The following RNF145 variants were observed in gnomAD, a reference collection of about 807,000 sequenced individuals.
RNF145 encodes the protein ring finger protein 145.
Under a neutral mutation model 57.3 loss-of-function variants are expected in RNF145, and 12 were observed. That is an observed-to-expected ratio of 0.21 (90% CI 0.13 to 0.34). The LOEUF (loss-of-function observed/expected upper bound fraction) is 0.34, where lower values mean the gene tolerates loss of function less well. Ranked by LOEUF, RNF145 falls within the 10% of genes least tolerant of loss-of-function variation. The pLI is 1.00. For missense variants in RNF145, 429 were observed against 799.0 expected (o/e 0.54, Z 5.58); for synonymous variants, 262 against 288.3 (o/e 0.91, Z 0.92).
chr5:159,209,669 C>G (rs1368279728), upstream of RNF145: 1 of 958,416 alleles, frequency 1.0e-6, no homozygotes, highest in Non-Finnish European at 1.4e-6. Flanking sequence ...GTGCTTTCCG[C>G]ACCGCCTCCG....
chr5:159,203,619 T>C lies in RNF145; in HGVS notation c.-2A>G, dbSNP rs1785749395. 6.3e-7 allele frequency: 1 copy of C among 1,598,632 alleles called. No individual in the cohort carries two copies. The highest frequency in any genetic ancestry group is 2.2e-5 in the East Asian group (1 of 44,836). ...CTCCAGTTTCTCCTTTGCAGCCATG[T>C]TGTTTTTTTTTTTCTTTTTTTTTTT... On this transcript the variant is annotated 5_prime_UTR_variant, in exon 2 of 11. Transcript: ENST00000424310.
intron 2 of RNF145, among the ~76,000 whole-genome samples, chr5:159,197,752 A>T (rs1041909142): frequency 2.0e-5 from 3 of 152,226 alleles, no homozygotes; most frequent in African/African-American, 7.2e-5. Flanking sequence ...TTTTTAAATT[A>T]TACACAGTAA....
chr5:159,205,888 C>A (rs1158471254), intron 1 of RNF145, among the ~76,000 whole-genome samples: 1 of 152,134 alleles, frequency 6.6e-6, no homozygotes, highest in Non-Finnish European at 1.5e-5. Context: ...TCACCATTTA[C>A]TGTGGCTCCT....
At chr5:159,171,808 C>A (rs1784569505) in intron 6 of RNF145, among the ~76,000 whole-genome samples, 1 of 151,762 alleles carries the variant, frequency 6.6e-6, no homozygotes, top group African/African-American at 2.4e-5. Context: ...TGGATAAGAA[C>A]AGAGAATAAC....
intron 3 of RNF145, among the ~76,000 whole-genome samples, chr5:159,190,740 T>C (rs1196371023): frequency 6.6e-6 from 1 of 151,210 alleles, no homozygotes; most frequent in Non-Finnish European, 1.5e-5. Flanking sequence ...ATCTGAACCA[T>C]TATTTTTTTA....
chr5:159,179,273 G>C (rs914908300), intron 4 of RNF145, among the ~76,000 whole-genome samples: 1 of 152,000 alleles, frequency 6.6e-6, no homozygotes, highest in African/African-American at 2.4e-5. Flanking sequence ...ATTGTTAGTG[G>C]AATTTCCCCT....
At chr5:159,195,855 T>TCTCATGA (rs1785441275) in intron 2 of RNF145, among the ~76,000 whole-genome samples, 1 of 152,198 alleles carries the variant, frequency 6.6e-6, no homozygotes, top group Non-Finnish European at 1.5e-5. Flanking sequence ...AGACATCCCA[T>TCTCATGA]CTCATGACAC....
At chr5:159,209,605 C>T (rs1786041587), upstream of RNF145, 1 of 1,060,024 alleles carries the variant, frequency 9.4e-7, no homozygotes, top group East Asian at 5.6e-5. Context: ...GCCCAGCCAG[C>T]GCGGCGCGCC....
At chr5:159,206,321 G>T (rs936273385) in intron 1 of RNF145, among the ~76,000 whole-genome samples, 4 of 152,140 alleles carry the variant, frequency 2.6e-5, no homozygotes, top group Admixed American at 2.6e-4. Context: ...AGCTGGTCAT[G>T]TATAAAGGCA....
intron 3 of RNF145, among the ~76,000 whole-genome samples, chr5:159,190,602 A>T (rs950764713): frequency 3.3e-5 from 5 of 150,948 alleles, no homozygotes; most frequent in African/African-American, 1.2e-4. Flanking sequence ...GAGGTGGGAG[A>T]AGTGCTTGAG....
At chr5:159,208,454 G>C (rs905463511) in intron 1 of RNF145, among the ~76,000 whole-genome samples, 1 of 152,162 alleles carries the variant, frequency 6.6e-6, no homozygotes, top group Non-Finnish European at 1.5e-5. Flanking sequence ...GGTGGGGAAA[G>C]CAGTATTGGA....
At chr5:159,162,897 G>C in intron 9 of RNF145, 35 bp downstream of exon 9, 1 of 1,528,956 alleles carries the variant, frequency 6.5e-7, no homozygotes, top group East Asian at 2.3e-5. Context: ...TAACAAAATT[G>C]GTTATTATAT....
intron 10 of RNF145, among the ~76,000 whole-genome samples, chr5:159,159,469 T>C (rs994625205): frequency 2.0e-5 from 3 of 152,234 alleles, no homozygotes; most frequent in Non-Finnish European, 2.9e-5. Flanking sequence ...AATGAAATTA[T>C]TGGCAAAGAG....
At chr5:159,170,853 C>T (rs766459863) in intron 6 of RNF145, among the ~76,000 whole-genome samples, 2 of 152,176 alleles carry the variant, frequency 1.3e-5, no homozygotes, top group African/African-American at 2.4e-5. Context: ...GGCCTCCCAA[C>T]GTATTGGGAT....
At chr5:159,203,277 A>T (rs1785735764) in intron 2 of RNF145, among the ~76,000 whole-genome samples, 157 bp downstream of exon 2, 1 of 152,218 alleles carries the variant, frequency 6.6e-6, no homozygotes, top group African/African-American at 2.4e-5. Context: ...ATGTGCAATG[A>T]TAAGACAAAA....
chr5:159,191,826 T>C (rs768007280), intron 3 of RNF145, among the ~76,000 whole-genome samples: 3 of 152,140 alleles, frequency 2.0e-5, no homozygotes, highest in Admixed American at 6.5e-5. Flanking sequence ...CTTGAAACAT[T>C]AGAAAAAGTC....
intron 1 of RNF145, among the ~76,000 whole-genome samples, chr5:159,206,533 T>A (rs1785886938): frequency 1.3e-5 from 2 of 152,300 alleles, no homozygotes; most frequent in South Asian, 4.1e-4. Context: ...TACTTGCAAT[T>A]ACTCACACCT....
intron 2 of RNF145, among the ~76,000 whole-genome samples, chr5:159,198,944 C>T (rs1381239138): frequency 6.6e-6 from 1 of 152,112 alleles, no homozygotes; most frequent in East Asian, 1.9e-4. Context: ...CACCACTGCA[C>T]TCCAACCTGC....
chr5:159,177,729 G>A (rs1784762557), intron 4 of RNF145, among the ~76,000 whole-genome samples: 1 of 151,978 alleles, frequency 6.6e-6, no homozygotes, highest in South Asian at 2.1e-4. Context: ...TGTCAAGACT[G>A]CCCTCCAGCA....
Sources: gnomAD v4.1 joint callset for allele counts (sites outside exome capture counted in the v4.1 genomes callset) on GRCh38, gnomAD v4.1.1 for gene constraint, MANE v1.5 for transcripts, NCBI Gene and HGNC (gene_info 2026-07-23, HGNC 2026-07-21) for gene names.